Variants in UBA6 observed in about 807,000 individuals in gnomAD.
UBA6 encodes ubiquitin-like modifier-activating enzyme 6.
A neutral mutation model predicts 148.3 loss-of-function variants in UBA6; 87 were observed. The observed-to-expected ratio is 0.59, with a 90% CI of 0.49 to 0.70. UBA6 has a LOEUF of 0.70. UBA6 is among the 30% of genes least tolerant of loss of function. The pLI, the probability that UBA6 is intolerant of heterozygous loss-of-function variation, is 0.00. For missense variants in UBA6, 1,186 were observed against 1,241.2 expected, an observed-to-expected ratio of 0.96 and a Z score of 0.67; for synonymous variants, 376 against 401.0, an observed-to-expected ratio of 0.94 and a Z score of 0.75.
chr4:67,680,947 A>C lies in UBA6; in HGVS notation c.258+616T>G, dbSNP rs1730419848. On this transcript the variant is annotated intron_variant, in intron 4 of 32. Transcript: ENST00000322244. ...AGAACTAAATCCTACCAAGAACCAC[A>C]TGAGCCAGCTTGGGAAGCAGATCCT... Among the ~76,000 whole-genome samples, 3 of 152,130 alleles carry C rather than the reference A, an allele frequency of 2.0e-5. No individual in the cohort carries two copies. The South Asian group carries it at 6.2e-4, about 32-fold the overall frequency.
At chr4:67,630,686 T>C (rs1728977518) in intron 25 of UBA6, 151 bp from the exon 26 acceptor site, 1 of 542,890 alleles carries the variant, frequency 1.8e-6, no homozygotes, top group Non-Finnish European at 3.1e-6. Context: ...TAGACAAAAA[T>C]ATTCTGGTCT....
At chr4:67,626,514 A>C (rs1474033624) in intron 27 of UBA6, 37 bp from the exon 28 acceptor site, 4 of 1,281,050 alleles carry the variant, frequency 3.1e-6, no homozygotes, top group Non-Finnish European at 3.3e-6. Flanking sequence ...TAATGTTATC[A>C]TTTCCTGCAT....
rs540335590 is a variant in UBA6, at chr4:67,700,117, A to C, written c.71+932T>G. Among the ~76,000 whole-genome samples the C allele has an allele frequency of 1.3e-3, 197 of 152,328 alleles. 2 individuals carry two copies. Among genetic ancestry groups the C allele is most frequent in the Middle Eastern group, 3.4e-3 (1 of 294 alleles). Reference sequence around the variant, plus strand: ...GAATGTTTCAAAAATATGTAAAAATAATATGATCTATAAGACAATCAAAAA... The same window carrying C: ...GAATGTTTCAAAAATATGTAAAAATCATATGATCTATAAGACAATCAAAAA... On this transcript the variant is annotated intron_variant, in intron 1 of 32. Coordinates refer to ENST00000322244, the MANE Select transcript of UBA6 (RefSeq NM_018227.6).
intron 4 of UBA6, among the ~76,000 whole-genome samples, chr4:67,680,415 A>G (rs1325156528): frequency 1.3e-5 from 2 of 152,206 alleles, no homozygotes; most frequent in Non-Finnish European, 2.9e-5. Flanking sequence ...GTTTACAGGA[A>G]ATACACATGT....
intron 20 of UBA6, among the ~76,000 whole-genome samples, chr4:67,635,205 T>A (rs1729107659): frequency 1.3e-5 from 2 of 152,058 alleles, no homozygotes; most frequent in Non-Finnish European, 2.9e-5. Flanking sequence ...CAAAGGGTAT[T>A]AGAAAACTAA....
intron 12 of UBA6, chr4:67,662,563 A>C: frequency 4.1e-6 from 1 of 245,046 alleles, no homozygotes; most frequent in African/African-American, 2.2e-5. Context: ...CTCCTGGTTC[A>C]AGCGATTCTT....
At chr4:67,665,671 G>C (rs565506690) in intron 9 of UBA6, among the ~76,000 whole-genome samples, 91 of 151,798 alleles carry the variant, frequency 6.0e-4, no homozygotes, top group Non-Finnish European at 1.1e-3. Context: ...GAAAAGATTA[G>C]AGAATTCAGA....
At chr4:67,630,628 G>T in intron 25 of UBA6, 93 bp from the exon 26 acceptor site, 1 of 756,922 alleles carries the variant, frequency 1.3e-6, no homozygotes, top group Admixed American at 3.5e-5. Flanking sequence ...AATGTAGTTT[G>T]AAGAAATATA....
intron 27 of UBA6, among the ~76,000 whole-genome samples, chr4:67,626,685 C>T (rs191273331): frequency 6.6e-6 from 1 of 151,892 alleles, no homozygotes; most frequent in East Asian, 1.9e-4. Flanking sequence ...TCTATCTTCT[C>T]GCACAGGCAT....
intron 13 of UBA6, among the ~76,000 whole-genome samples, chr4:67,651,499 G>A (rs979624958): frequency 4.6e-5 from 7 of 152,032 alleles, no homozygotes; most frequent in African/African-American, 1.2e-4. Flanking sequence ...ATGAAAATTC[G>A]GCTGCCATCT....
chr4:67,624,234 T>C lies in UBA6; in HGVS notation c.2732A>G (p.Lys911Arg), dbSNP rs761720308. The C allele has an allele frequency of 5.6e-6, 9 of 1,609,126 alleles. No homozygotes were observed. The highest frequency in any genetic ancestry group is 2.7e-5 in the African/African-American group (2 of 74,680). ...TTCAAATGGATAGCCACCAGTTACT[T>C]TGATCATCTCCAAGGCAACCTAGAT... ...VSGLVALEMI[K>R]VTGGYPFEAY... Residue 911 changes from lysine to arginine, a missense_variant, in exon 30 of 33, where the codon AAA (lysine) becomes AGA (arginine). Transcript: ENST00000322244.
intron 27 of UBA6, 64 bp from the exon 28 acceptor site, chr4:67,626,541 T>G (rs1258826615): frequency 2.8e-5 from 28 of 997,602 alleles, no homozygotes; most frequent in Non-Finnish European, 3.9e-5. Flanking sequence ...GGTTACCATT[T>G]AACTGTTTTA....
rs1233222465 is a variant in UBA6 at position 67,678,365 on chromosome 4, T to A, written c.353+74A>T. On this transcript the variant is annotated intron_variant, in intron 5 of 32. Transcript: ENST00000322244. ...TATTTAAACAACTATGACTGATTGG[T>A]GTTCTAGATAAAGGAAATATTTTAA... 4 of 825,812 alleles carry A rather than the reference T, an allele frequency of 4.8e-6. No individual in the cohort carries two copies. In the East Asian group the frequency reaches 1.2e-4, roughly 24 times the overall value. 51.2% of individuals were successfully genotyped at this position (825,812 alleles called of 1,614,324 possible). A position where few individuals can be genotyped will look rare whatever the true frequency, so the allele number is the denominator to read the frequency against.
intron 13 of UBA6, among the ~76,000 whole-genome samples, chr4:67,657,654 A>G (rs1313175005): frequency 6.6e-6 from 1 of 152,150 alleles, no homozygotes; most frequent in Non-Finnish European, 1.5e-5. Flanking sequence ...AGCAATGGCA[A>G]CAAAAGCCAA....
intron 5 of UBA6, 96 bp downstream of exon 5, chr4:67,678,343 T>C: frequency 2.9e-6 from 2 of 684,102 alleles, no homozygotes; most frequent in Non-Finnish European, 2.3e-6. Context: ...CACTTTATAT[T>C]TAAACAACTA....
intron 26 of UBA6, among the ~76,000 whole-genome samples, chr4:67,629,347 A>T (rs1424593335): frequency 1.3e-5 from 2 of 151,920 alleles, no homozygotes; most frequent in African/African-American, 4.8e-5. Flanking sequence ...GTAAGGGGTA[A>T]AAAAGTACTT....
intron 14 of UBA6, among the ~76,000 whole-genome samples, chr4:67,647,601 T>C (rs938109357): frequency 6.6e-6 from 1 of 152,064 alleles, no homozygotes; most frequent in African/African-American, 2.4e-5. Context: ...AATTTCAGCA[T>C]TTTTAAAAAT....
intron 32 of UBA6, among the ~76,000 whole-genome samples, chr4:67,621,434 T>C (rs114174730): frequency 0.013 from 1,922 of 152,344 alleles, 42 homozygotes; most frequent in African/African-American, 0.042. Flanking sequence ...GTGCTTGAGA[T>C]ACAACAGTGA....
Position 67,639,006 on chromosome 4 carries a change from T to C in UBA6, c.1673A>G (p.Tyr558Cys), listed in dbSNP as rs149429635. 9.5e-5 allele frequency: 153 copies of C among 1,612,980 alleles called. No homozygotes were observed. Among genetic ancestry groups the C allele is most frequent in the Non-Finnish European group, 1.3e-4 (150 of 1,179,160 alleles). ...TGTAATAATTACATCTTGTTTAGTATAGAACTCATCATTGTAAATGGTCTC... is the reference window on the plus strand; with the variant it reads ...TGTAATAATTACATCTTGTTTAGTACAGAACTCATCATTGTAAATGGTCTC... Reference protein sequence around the residue: ...TTETIYNDEFYTKQDVIITAL... With the variant: ...TTETIYNDEFCTKQDVIITAL... Residue 558 changes from tyrosine to cysteine, a missense_variant, in exon 19 of 33, where the codon TAT becomes TGT. Coordinates refer to ENST00000322244, the MANE Select transcript of UBA6 (RefSeq NM_018227.6).
Sources: allele counts gnomAD v4.1 joint callset (sites outside exome capture counted in the v4.1 genomes callset), GRCh38; gene constraint gnomAD v4.1.1; transcripts MANE v1.5; gene names NCBI Gene and HGNC (gene_info 2026-07-23, HGNC 2026-07-21).